Variants in ADGRE5 observed in about 807,000 individuals in gnomAD.
ADGRE5 encodes adhesion G protein-coupled receptor E5.
A neutral mutation model predicts 100.3 loss-of-function variants in ADGRE5; 72 were observed. The observed-to-expected ratio is 0.72, with a 90% CI of 0.59 to 0.87. ADGRE5 has a LOEUF of 0.87. Among genes scored for constraint, ADGRE5 ranks in the 40% least tolerant of loss-of-function variants. The pLI is 0.00. For missense variants in ADGRE5, 959 were observed against 1,094.7 expected, an observed-to-expected ratio of 0.88 and a Z score of 1.75; for synonymous variants, 439 against 447.8, an observed-to-expected ratio of 0.98 and a Z score of 0.25.
chr19:14,390,359 T>G (rs1466961626), intron 3 of ADGRE5, among the ~76,000 whole-genome samples: 1 of 149,902 alleles, frequency 6.7e-6, no homozygotes, highest in Non-Finnish European at 1.5e-5. Context: ...AGTCTCACTC[T>G]GTCACCCAGG....
intron 4 of ADGRE5, among the ~76,000 whole-genome samples, chr19:14,392,925 G>A (rs1450311563): frequency 6.8e-6 from 1 of 148,086 alleles, no homozygotes; most frequent in Admixed American, 6.8e-5. Flanking sequence ...AAAATGGCTA[G>A]GCGCGATGGC....
chr19:14,381,750 C>T lies in ADGRE5; in HGVS notation c.22+205C>T, dbSNP rs185833329. Among the ~76,000 whole-genome samples, 78 of 152,292 alleles carry T rather than the reference C, an allele frequency of 5.1e-4. No individual in the cohort carries two copies. In the East Asian group the frequency reaches 0.013, roughly 25 times the overall value. ...ACACCCCGGCAGGAACTCCAGGGTG[C>T]TCTTGGAGCCTGCTACCCTGCCTGG... On this transcript the variant is annotated intron_variant, in intron 1 of 19. Transcript: ENST00000242786.
At chr19:14,397,557 G>C in intron 6 of ADGRE5, 101 bp from the exon 7 acceptor site, 1 of 1,597,662 alleles carries the variant, frequency 6.3e-7, no homozygotes, top group South Asian at 1.1e-5. Flanking sequence ...ACCACTCCAA[G>C]GGGGGCACTA....
chr19:14,405,934 G>C lies in ADGRE5; in HGVS notation c.1816G>C (p.Gly606Arg). 3 of 1,606,130 alleles carry C rather than the reference G, an allele frequency of 1.9e-6. No homozygotes were observed. Among genetic ancestry groups the C allele is most frequent in the Non-Finnish European group, 2.5e-6 (3 of 1,179,608 alleles). ...IFLAGIENEG[G>R]QVGLRCRLVA... ...CCTGGCCGGCATCGAGAACGAAGGCGGCCAGGTGAGGTCCCGCCCCGCTCC... is the reference window on the plus strand; with the variant it reads ...CCTGGCCGGCATCGAGAACGAAGGCCGCCAGGTGAGGTCCCGCCCCGCTCC... Residue 606 changes from glycine (G) to arginine (R), a missense_variant, in exon 14 of 20, where the codon GGC (glycine) becomes CGC (arginine). Around this residue, in one of 6 missense-constraint regions of ADGRE5, gnomAD observed 428 missense variants for 386.2 expected, o/e 1.11. Transcript: ENST00000242786.
In ADGRE5 at chr19:14,408,516, G is replaced by C. The variant is rs1353250421; in HGVS notation, c.*395G>C. On this transcript the variant is annotated 3_prime_UTR_variant, in exon 20 of 20. Transcript: ENST00000242786. ...TGAAGAGACTAGGCGCTGGGGCTCA[G>C]CTTCCCTCTTAAGCTAAGACTGATG... is the stretch of plus-strand genomic sequence containing the variant. The C allele has an allele frequency of 3.9e-5, 18 of 464,460 alleles. No individual in the cohort carries two copies. Among genetic ancestry groups the C allele is most frequent in the Admixed American group, 7.1e-5 (2 of 28,284 alleles). The allele number at this position is 464,460 out of a possible 1,614,324, so 28.8% of individuals were successfully genotyped here.
rs773209531 is a variant in ADGRE5, at chr19:14,391,095, C to T, written c.346+16C>T. The T allele has an allele frequency of 3.1e-6, 5 of 1,613,754 alleles. No individual in the cohort carries two copies. The highest frequency in any genetic ancestry group is 2.2e-5 in the East Asian group (1 of 44,878). On this transcript the variant is annotated intron_variant, in intron 4 of 19. Transcript: ENST00000242786. Reference sequence around the variant, plus strand: ...ACCTGTCAAGGTAAGAACCACCCCACGTCCTCTGACTTTCCATCCATGAGG... The same window carrying T: ...ACCTGTCAAGGTAAGAACCACCCCATGTCCTCTGACTTTCCATCCATGAGG...
At chr19:14,402,181 C>T (rs1252943478) in intron 11 of ADGRE5, among the ~76,000 whole-genome samples, 2 of 151,218 alleles carry the variant, frequency 1.3e-5, no homozygotes, top group African/African-American at 4.9e-5. Flanking sequence ...AGTCCTAGCA[C>T]CCTAGCACTT....
intron 1 of ADGRE5, among the ~76,000 whole-genome samples, chr19:14,383,364 G>C (rs1326185494): frequency 6.6e-6 from 1 of 152,004 alleles, no homozygotes; most frequent in Non-Finnish European, 1.5e-5. Flanking sequence ...AATTACCTGG[G>C]TGTGGTGGCG....
At chr19:14,391,819 C>T (rs1181082288) in intron 4 of ADGRE5, among the ~76,000 whole-genome samples, 6 of 151,954 alleles carry the variant, frequency 3.9e-5, no homozygotes, top group Admixed American at 2.6e-4. Context: ...AAGAACTGGC[C>T]GGGCGCAGTG....
Position 14,405,749 on chromosome 19 carries a change from A to C in ADGRE5, c.1631A>C (p.Asp544Ala). The C allele has an allele frequency of 6.2e-7, 1 of 1,611,412 alleles. No homozygotes were observed. The highest frequency in any genetic ancestry group is 1.1e-5 in the South Asian group (1 of 90,766). The change falls in exon 14 of 20, where the codon GAC becomes GCC. Residue 544 changes from aspartate to alanine, a missense_variant and splice_region_variant. Asp to Ala is a moderately radical substitution (Grantham distance 126). Transcript: ENST00000242786. ...AILMAHYDVEDWKLTLITRVG... is the reference protein window; with the variant it reads ...AILMAHYDVEAWKLTLITRVG... ...CTGAGCACCCGGTGCCACTCCTAGGACTGGAAGCTGACCCTGATCACCAGG... is the reference window on the plus strand; with the variant it reads ...CTGAGCACCCGGTGCCACTCCTAGGCCTGGAAGCTGACCCTGATCACCAGG...
chr19:14,402,552 G>A (rs1976056215), intron 11 of ADGRE5, 45 bp from the exon 12 acceptor site: 1 of 1,606,644 alleles, frequency 6.2e-7, no homozygotes, highest in Non-Finnish European at 8.5e-7. Flanking sequence ...ATAGAGCATG[G>A]GAGGAGGACA....
Position 14,397,095 on chromosome 19 carries a change from C to T in ADGRE5, c.497C>T (p.Ser166Phe), listed in dbSNP as rs1288641223. ...TCCTCAGATGTGAATGAATGCACCT[C>T]CGGACAAAACCCGTGCCACAGCTCC... ...KVCTDVNECT[S>F]GQNPCHSSTH... Residue 166 changes from serine to phenylalanine, a missense_variant, in exon 6 of 20, where the codon TCC (serine) becomes TTC (phenylalanine). By Grantham distance (155) the Ser-to-Phe change is radical (BLOSUM62 -2). Around this residue, in one of 6 missense-constraint regions of ADGRE5, gnomAD observed 83 missense variants for 88.8 expected, o/e 0.93. Transcript: ENST00000242786. The T allele has an allele frequency of 1.2e-6, 2 of 1,613,932 alleles. No individual in the cohort carries two copies. The highest frequency in any genetic ancestry group is 1.7e-6 in the Non-Finnish European group (2 of 1,180,038).
intron 9 of ADGRE5, among the ~76,000 whole-genome samples, chr19:14,398,550 CT>C (rs1975877258): frequency 6.6e-6 from 1 of 151,730 alleles, no homozygotes; most frequent in African/African-American, 2.4e-5. Flanking sequence ...TGGCGGGTGC[CT>C]GTAGTCCCAG....
Position 14,408,382 on chromosome 19 carries a change from C to T in ADGRE5, c.*261C>T. The stretch of plus-strand genomic sequence containing the variant: ...CCCAGGGTGGGGACAGGGGCTGGCC[C>T]AGGGCTGCAATGCAGCATGTTGCCC... On this transcript the variant is annotated 3_prime_UTR_variant, in exon 20 of 20. Coordinates refer to ENST00000242786, the MANE Select transcript of ADGRE5 (RefSeq NM_078481.4). The T allele has an allele frequency of 3.3e-6, 2 of 605,610 alleles. No homozygotes were observed. The highest frequency in any genetic ancestry group is 1.9e-5 in the South Asian group (1 of 52,416). The allele number at this position is 605,610 out of a possible 1,614,324, so 37.5% of individuals were successfully genotyped here. A position where few individuals can be genotyped will look rare whatever the true frequency, so the allele number is the denominator to read the frequency against.
At chr19:14,391,196 A>G (rs1402099979) in intron 4 of ADGRE5, 117 bp downstream of exon 4, 11 of 1,339,042 alleles carry the variant, frequency 8.2e-6, no homozygotes, top group Non-Finnish European at 1.2e-5. Flanking sequence ...CTGGCGTCTG[A>G]GATGGGACAG....
chr19:14,391,363 G>A (rs1019189804), intron 4 of ADGRE5: 2 of 451,544 alleles, frequency 4.4e-6, no homozygotes, highest in African/African-American at 3.9e-5. Context: ...TGTGAGATGT[G>A]ATAACGTTAT....
intron 8 of ADGRE5, 34 bp downstream of exon 8, chr19:14,397,969 A>G (rs750874523): frequency 6.9e-7 from 1 of 1,452,298 alleles, no homozygotes; most frequent in South Asian, 1.2e-5. Flanking sequence ...GGCGGCGGGA[A>G]CTCCATCCAC....
intron 1 of ADGRE5, among the ~76,000 whole-genome samples, chr19:14,384,223 C>CT (rs202085938): frequency 0.031 from 4,709 of 152,138 alleles, 246 homozygotes; most frequent in African/African-American, 0.11. Flanking sequence ...CTTGGTTTAA[C>CT]CCAGCTGGAA....
chr19:14,407,924 G>A lies in ADGRE5; in HGVS notation c.2393G>A (p.Arg798Gln), dbSNP rs747270370. ...LLNKKVREEYRKWACLVAGGS... is the reference protein window; with the variant it reads ...LLNKKVREEYQKWACLVAGGS... ...GGCCGGCAGGTTCGGGAAGAATACC[G>A]GAAGTGGGCCTGCCTAGTTGCTGGG... The change falls in exon 19 of 20, where the codon CGG becomes CAG. Residue 798 changes from arginine to glutamine, a missense_variant. Arg to Gln is a conservative substitution (Grantham distance 43, BLOSUM62 1). Transcript: ENST00000242786. 24 of 1,613,914 alleles carry A rather than the reference G, an allele frequency of 1.5e-5. No homozygotes were observed. The highest frequency in any genetic ancestry group is 3.3e-4 in the Middle Eastern group (2 of 6,082).
Sources: gnomAD v4.1 joint callset for allele counts (sites outside exome capture counted in the v4.1 genomes callset) on GRCh38, gnomAD v4.1.1 for gene constraint, gnomAD v4.1.1 regional missense constraint, MANE v1.5 for transcripts, NCBI Gene and HGNC (gene_info 2026-07-23, HGNC 2026-07-21) for gene names.